The following RALGAPB variants were observed in gnomAD, a reference collection of about 807,000 sequenced individuals.
RALGAPB encodes Ral GTPase activating protein non-catalytic subunit beta.
RALGAPB carries 25 observed loss-of-function variants against 161.1 expected under a neutral mutation model. The observed-to-expected ratio is 0.16, with a 90% CI of 0.11 to 0.22. RALGAPB has a LOEUF of 0.22. RALGAPB is among the 10% of genes least tolerant of loss of function. RALGAPB has a pLI of 1.00. For synonymous variants in RALGAPB, 629 were observed against 626.1 expected, an observed-to-expected ratio of 1.00 and a Z score of -0.07; for missense variants, 1,391 against 1,815.2, an observed-to-expected ratio of 0.77 and a Z score of 4.25.
chr20:38,514,124 A>G (rs2086056893), intron 6 of RALGAPB, among the ~76,000 whole-genome samples: 1 of 152,236 alleles, frequency 6.6e-6, no homozygotes, highest in Non-Finnish European at 1.5e-5. Flanking sequence ...TTATGTGAAG[A>G]TAGAGCAGTC....
At chr20:38,508,781 T>G (rs543673236) in intron 5 of RALGAPB, among the ~76,000 whole-genome samples, 3 of 152,332 alleles carry the variant, frequency 2.0e-5, no homozygotes, top group African/African-American at 7.2e-5. Context: ...TAAAACTTCT[T>G]TTTAATGAAC....
rs370704910 is a variant in RALGAPB at position 38,556,323 on chromosome 20, G to T, written c.3373-1972G>T. 5.9e-5 allele frequency among the ~76,000 whole-genome samples: 9 copies of T among 152,146 alleles called. No homozygotes were observed. The East Asian group carries it at 1.7e-3, about 29-fold the overall frequency. ...AATAAAGACATGAGGACCTTCCTGC[G>T]ATGATAAATTCTTATATAACTACAG... On this transcript the variant is annotated intron_variant, in intron 22 of 29. Transcript: ENST00000262879.
At chr20:38,525,600 A>G (rs1020561334) in intron 12 of RALGAPB, 82 bp downstream of exon 12, 5 of 1,072,790 alleles carry the variant, frequency 4.7e-6, no homozygotes, top group Non-Finnish European at 6.9e-6. Flanking sequence ...TAAAAATGAA[A>G]CAGGAGCTTT....
chr20:38,553,375 G>A (rs2087445946), intron 21 of RALGAPB, among the ~76,000 whole-genome samples: 1 of 152,182 alleles, frequency 6.6e-6, no homozygotes, highest in Admixed American at 6.5e-5. Flanking sequence ...ACGTCAGGGT[G>A]AAGATGGACA....
rs2123039556 is a variant in RALGAPB, at chr20:38,510,920, A to G, written c.872+1712A>G. On this transcript the variant is annotated intron_variant, in intron 6 of 29. Transcript: ENST00000262879. ...GCGAGACTCCGTCTCAAAAAAAAAA[A>G]AAAAAAGAAAATCTTTTATAAAGTC... Among the ~76,000 whole-genome samples the G allele has an allele frequency of 1.7e-5, 2 of 120,094 alleles. 1 individual carries two copies. Among genetic ancestry groups the G allele is most frequent in the African/African-American group, 1.3e-4 (2 of 15,078 alleles). The allele number at this position is 120,094 out of a possible 152,430, so 78.8% of individuals were successfully genotyped here.
intron 13 of RALGAPB, among the ~76,000 whole-genome samples, chr20:38,529,140 C>T (rs2086569034): frequency 6.6e-6 from 1 of 152,170 alleles, no homozygotes; most frequent in Non-Finnish European, 1.5e-5. Context: ...TACTGATAGC[C>T]TACTGTTGAC....
chr20:38,521,936 T>C (rs2086302731), intron 10 of RALGAPB, among the ~76,000 whole-genome samples: 1 of 152,228 alleles, frequency 6.6e-6, no homozygotes, highest in South Asian at 2.1e-4. Flanking sequence ...CTTTTTAATA[T>C]GGAGAGATTT....
At chr20:38,545,132 G>A (rs2087120695) in intron 18 of RALGAPB, among the ~76,000 whole-genome samples, 2 of 152,028 alleles carry the variant, frequency 1.3e-5, no homozygotes, top group African/African-American at 4.8e-5. Flanking sequence ...TATCCTGTGT[G>A]TTCTAAATAC....
In RALGAPB at chr20:38,562,389, T is replaced by C. The variant is rs2087815423; in HGVS notation, c.3532-143T>C. ...TCTAACTCTGGAGAATGCATTTTTCTCTATAGTGATATATCCTCAAATTTA... is the reference window on the plus strand; with the variant it reads ...TCTAACTCTGGAGAATGCATTTTTCCCTATAGTGATATATCCTCAAATTTA... On this transcript the variant is annotated intron_variant, in intron 23 of 29. Coordinates refer to ENST00000262879, the MANE Select transcript of RALGAPB (RefSeq NM_020336.4). 4.3e-6 allele frequency: 3 copies of C among 693,798 alleles called. No homozygotes were observed. The Admixed American group carries it at 1.1e-4, about 25-fold the overall frequency. The allele number at this position is 693,798 out of a possible 1,614,324, so 43.0% of individuals were successfully genotyped here.
At chr20:38,572,709 G>T (rs1208908558) in intron 28 of RALGAPB, among the ~76,000 whole-genome samples, 1 of 152,164 alleles carries the variant, frequency 6.6e-6, no homozygotes, top group Non-Finnish European at 1.5e-5. Flanking sequence ...ATGCTTTGGT[G>T]TTTTAAAACA....
intron 21 of RALGAPB, among the ~76,000 whole-genome samples, chr20:38,552,269 T>A (rs921408632): frequency 1.3e-5 from 2 of 151,770 alleles, no homozygotes; most frequent in African/African-American, 4.8e-5. Context: ...GCCTCCCAAG[T>A]AGCTGTGATT....
intron 7 of RALGAPB, chr20:38,516,650 A>T (rs568192648): frequency 3.5e-6 from 1 of 287,504 alleles, no homozygotes; most frequent in Non-Finnish European, 6.5e-6. Context: ...ACATCAAACA[A>T]AGTGCTAAGA....
At chr20:38,479,784 T>TA (rs1393672853) in intron 1 of RALGAPB, among the ~76,000 whole-genome samples, 2 of 152,280 alleles carry the variant, frequency 1.3e-5, no homozygotes, top group Non-Finnish European at 2.9e-5. Context: ...ACTTGACAGT[T>TA]ATATCATTAT....
chr20:38,549,308 G>C (rs1335381148), intron 20 of RALGAPB, among the ~76,000 whole-genome samples: 1 of 151,782 alleles, frequency 6.6e-6, no homozygotes, highest in African/African-American at 2.4e-5. Flanking sequence ...GCTCACTGCA[G>C]CCTCAAGCTC....
chr20:38,556,626 C>G lies in RALGAPB; in HGVS notation c.3373-1669C>G, dbSNP rs192239976. 9.2e-5 allele frequency among the ~76,000 whole-genome samples: 14 copies of G among 151,972 alleles called. No individual in the cohort carries two copies. In the East Asian group the frequency reaches 2.5e-3, roughly 27 times the overall value. On this transcript the variant is annotated intron_variant, in intron 22 of 29. Coordinates refer to ENST00000262879, the MANE Select transcript of RALGAPB (RefSeq NM_020336.4). ...TACCTTAACAAACTATGTACAAGAC[C>G]TAGAGGAAGAAACTTTTAACAATTA...
At chr20:38,528,670 A>G (rs2086548667) in intron 13 of RALGAPB, among the ~76,000 whole-genome samples, 1 of 150,240 alleles carries the variant, frequency 6.7e-6, no homozygotes, top group South Asian at 2.1e-4. Context: ...TGCCTGGCCC[A>G]CATTTATTTT....
chr20:38,507,104 G>A (rs2085785209), intron 5 of RALGAPB, among the ~76,000 whole-genome samples: 1 of 152,146 alleles, frequency 6.6e-6, no homozygotes, highest in Non-Finnish European at 1.5e-5. Context: ...TTTGGAAAAT[G>A]TAGGGACAGA....
intron 1 of RALGAPB, among the ~76,000 whole-genome samples, chr20:38,483,370 T>G (rs1280720417): frequency 6.6e-6 from 1 of 152,210 alleles, no homozygotes; most frequent in South Asian, 2.1e-4. Context: ...ATCTCAGTGT[T>G]TAATGGCTAC....
intron 22 of RALGAPB, among the ~76,000 whole-genome samples, chr20:38,556,140 T>A (rs893139309): frequency 4.6e-5 from 7 of 152,178 alleles, no homozygotes; most frequent in Non-Finnish European, 1.0e-4. Context: ...AAAAGATTCC[T>A]CTAATGAAAC....
Sources: allele counts gnomAD v4.1 joint callset (sites outside exome capture counted in the v4.1 genomes callset), GRCh38; gene constraint gnomAD v4.1.1; transcripts MANE v1.5; gene names NCBI Gene and HGNC (gene_info 2026-07-23, HGNC 2026-07-21).